The following SLC24A4 variants were observed in gnomAD, a reference collection of about 807,000 sequenced individuals.
SLC24A4 encodes solute carrier family 24 member 4.
SLC24A4 carries 53 observed loss-of-function variants against 79.0 expected under a neutral mutation model. The observed-to-expected ratio is 0.67, with a 90% confidence interval of 0.54 to 0.84. The LOEUF (loss-of-function observed/expected upper bound fraction) is 0.84. SLC24A4 is among the 40% of genes least tolerant of loss of function. The pLI is 0.00. For missense variants in SLC24A4, 731 were observed against 822.0 expected (o/e 0.89, Z 1.35); for synonymous variants, 323 against 323.8 (o/e 1.00, Z 0.03).
chr14:92,488,493 A>G (rs1473840344), intron 14 of SLC24A4, among the ~76,000 whole-genome samples: 1 of 128,092 alleles, frequency 7.8e-6, no homozygotes, highest in African/African-American at 3.0e-5. Context: ...TCACATTCAC[A>G]GGTTCCAGAT....
intron 2 of SLC24A4, among the ~76,000 whole-genome samples, chr14:92,330,833 C>G (rs985365579): frequency 6.6e-6 from 1 of 152,210 alleles, no homozygotes; most frequent in Non-Finnish European, 1.5e-5. Flanking sequence ...TTAATTACCT[C>G]CCAAAAGCCC....
In SLC24A4 at chr14:92,453,891, G is replaced by C; in HGVS notation, c.881-9G>C. 1 of 1,606,086 alleles carries C rather than the reference G, an allele frequency of 6.2e-7. No homozygotes were observed. Among genetic ancestry groups the C allele is most frequent in the Admixed American group, 1.7e-5 (1 of 58,458 alleles). On this transcript the variant is annotated splice_polypyrimidine_tract_variant and intron_variant, in intron 10 of 16. Transcript: ENST00000532405. ...AGATCAGCACTAATCACGGTGTTGC[G>C]CTCAACAGTGAAGGAGAAGCCACAG...
In SLC24A4 at chr14:92,431,741, G is replaced by A. The variant is rs998907605; in HGVS notation, c.242-2171G>A. Reference sequence around the variant, plus strand: ...ACAGGGGTGCAAAGCAAGGCGTGAGGCTGAACAAGTAGAAGTAGCAGCAAA... The same window carrying A: ...ACAGGGGTGCAAAGCAAGGCGTGAGACTGAACAAGTAGAAGTAGCAGCAAA... On this transcript the variant is annotated intron_variant, in intron 2 of 16. Coordinates refer to ENST00000532405, the MANE Select transcript of SLC24A4 (RefSeq NM_153646.4). 2.0e-5 allele frequency among the ~76,000 whole-genome samples: 3 copies of A among 152,218 alleles called. No homozygotes were observed. The East Asian group carries it at 5.8e-4, about 29-fold the overall frequency.
In SLC24A4 at chr14:92,443,471, C is replaced by T. The variant is rs758837609; in HGVS notation, c.654C>T (p.Ile218=). 46 of 1,614,170 alleles carry T rather than the reference C, an allele frequency of 2.8e-5. No individual in the cohort carries two copies. The highest frequency in any genetic ancestry group is 5.5e-5 in the South Asian group (5 of 91,084). The change falls in exon 7 of 17, where the codon ATC becomes ATT. Residue 218 remains isoleucine, a synonymous_variant. Coordinates refer to ENST00000532405, the MANE Select transcript of SLC24A4 (RefSeq NM_153646.4). ...ACACCATCTCTGTCATCGTGCTCATCGTGGTGAGTTGCCCCTCTGCCCCCA... is the reference window on the plus strand; with the variant it reads ...ACACCATCTCTGTCATCGTGCTCATTGTGGTGAGTTGCCCCTCTGCCCCCA... ...VYYTISVIVL[I]VFIYDEQIVW...
At chr14:92,416,722 C>T (rs997727707) in intron 2 of SLC24A4, among the ~76,000 whole-genome samples, 16 of 152,116 alleles carry the variant, frequency 1.1e-4, no homozygotes, top group African/African-American at 2.9e-4. Context: ...AACTAAGGAA[C>T]GATGTAATTT....
At position 92,341,106 on chromosome 14, in the gene SLC24A4, A is replaced by G. The variant is rs560601203; in HGVS notation, c.241+15128A>G. On this transcript the variant is annotated intron_variant, in intron 2 of 16. Coordinates refer to ENST00000532405, the MANE Select transcript of SLC24A4 (RefSeq NM_153646.4). ...GAAAGAGGATGCATCACACCACACA[A>G]GCAGCAGGCAAAGTGGCAGCGGCCC... is the stretch of plus-strand genomic sequence containing the variant. Among the ~76,000 whole-genome samples, 33 of 152,256 alleles carry G rather than the reference A, an allele frequency of 2.2e-4. No homozygotes were observed. In the South Asian group the frequency reaches 6.8e-3, roughly 32 times the overall value.
At chr14:92,488,212 C>T (rs61977320) in intron 14 of SLC24A4, among the ~76,000 whole-genome samples, 9,239 of 152,008 alleles carry the variant, frequency 0.061, 395 homozygotes, top group East Asian at 0.15. Flanking sequence ...GCCAGGACTA[C>T]GGGCACATGC....
rs1204381875 is a variant in SLC24A4, at chr14:92,500,406, A to T, written c.*6778A>T. ...TCTCTACACAGAATTTCCCAAGTCC[A>T]TTCAGGACAGACGCGCAGTCCTCTT... On this transcript the variant is annotated 3_prime_UTR_variant, in exon 17 of 17. Coordinates refer to ENST00000532405, the MANE Select transcript of SLC24A4 (RefSeq NM_153646.4). 6.6e-6 allele frequency: 1 copy of T among 152,218 alleles called. No individual in the cohort carries two copies. Among genetic ancestry groups the T allele is most frequent in the Non-Finnish European group, 1.5e-5 (1 of 68,042 alleles). 9.4% of individuals were successfully genotyped at this position (152,218 alleles called of 1,614,324 possible).
chr14:92,332,378 T>C (rs1885532440), intron 2 of SLC24A4, among the ~76,000 whole-genome samples: 1 of 152,148 alleles, frequency 6.6e-6, no homozygotes, highest in East Asian at 1.9e-4. Flanking sequence ...AGTGAAGTTA[T>C]TGGGGAGTCA....
intron 2 of SLC24A4, among the ~76,000 whole-genome samples, chr14:92,392,336 C>T (rs998797755): frequency 2.6e-4 from 39 of 151,798 alleles, no homozygotes; most frequent in African/African-American, 9.2e-4. Flanking sequence ...TCTCCTGGGT[C>T]CCCGGATTTT....
chr14:92,363,368 C>T (rs1172056777), intron 2 of SLC24A4, among the ~76,000 whole-genome samples: 1 of 152,228 alleles, frequency 6.6e-6, no homozygotes, highest in Non-Finnish European at 1.5e-5. Context: ...AGCCTGTGTG[C>T]CATGGTCCAC....
intron 2 of SLC24A4, among the ~76,000 whole-genome samples, chr14:92,412,203 T>C (rs1413846488): frequency 1.3e-5 from 2 of 152,150 alleles, no homozygotes; most frequent in Non-Finnish European, 2.9e-5. Context: ...TTGACTCACA[T>C]TGGACCATTT....
intron 2 of SLC24A4, among the ~76,000 whole-genome samples, chr14:92,420,387 G>A (rs1046316213): frequency 6.6e-6 from 1 of 152,076 alleles, no homozygotes; most frequent in Non-Finnish European, 1.5e-5. Flanking sequence ...GGTTGAGGCA[G>A]AAGAATTGCT....
intron 12 of SLC24A4, among the ~76,000 whole-genome samples, chr14:92,461,071 C>T (rs1052761386): frequency 1.3e-5 from 2 of 152,166 alleles, no homozygotes; most frequent in Admixed American, 6.5e-5. Context: ...CTGAAACGGT[C>T]GGCAATGACC....
intron 2 of SLC24A4, among the ~76,000 whole-genome samples, chr14:92,348,803 T>G (rs576394729): frequency 3.3e-5 from 5 of 152,340 alleles, no homozygotes; most frequent in African/African-American, 1.2e-4. Flanking sequence ...AGGAGTCCCC[T>G]TCGGTGAAGG....
At chr14:92,369,567 G>C (rs1308170008) in intron 2 of SLC24A4, among the ~76,000 whole-genome samples, 1 of 152,182 alleles carries the variant, frequency 6.6e-6, no homozygotes, top group Non-Finnish European at 1.5e-5. Context: ...CGTATTTTTG[G>C]AATAATTGGA....
At chr14:92,383,703 G>A (rs565419492) in intron 2 of SLC24A4, among the ~76,000 whole-genome samples, 5 of 152,280 alleles carry the variant, frequency 3.3e-5, no homozygotes, top group African/African-American at 4.8e-5. Flanking sequence ...CAAGGTGACC[G>A]GCACCGAATG....
At chr14:92,475,163 TC>T (rs929711903) in intron 12 of SLC24A4, among the ~76,000 whole-genome samples, 4 of 151,964 alleles carry the variant, frequency 2.6e-5, no homozygotes, top group Non-Finnish European at 5.9e-5. Context: ...TGAGGACTGC[TC>T]CCCCAGTGAC....
chr14:92,392,172 G>C (rs75427553), intron 2 of SLC24A4, among the ~76,000 whole-genome samples: 17,786 of 151,088 alleles, frequency 0.12, 1,086 homozygotes, highest in Middle Eastern at 0.18. Flanking sequence ...GTAGACTATA[G>C]GTGTCTGGGG....
Sources: gnomAD v4.1 joint callset for allele counts (sites outside exome capture counted in the v4.1 genomes callset) on GRCh38, gnomAD v4.1.1 for gene constraint, MANE v1.5 for transcripts, NCBI Gene and HGNC (gene_info 2026-07-23, HGNC 2026-07-21) for gene names.